Variants in GPR85 observed in about 807,000 individuals in gnomAD.
GPR85 encodes probable G protein-coupled receptor 85.
GPR85 carries 7 observed loss-of-function variants against 21.3 expected under a neutral mutation model. The ratio of observed to expected loss-of-function variants is 0.33; its 90% CI spans 0.19 to 0.62. GPR85 has a LOEUF of 0.62. GPR85 is among the 20% of genes least tolerant of loss of function. The pLI is 0.80. For synonymous variants in GPR85, 167 were observed against 166.1 expected, an observed-to-expected ratio of 1.01 and a Z score of -0.04; for missense variants, 299 against 443.8, an observed-to-expected ratio of 0.67 and a Z score of 2.93.
chr7:113,083,389 G>A lies in GPR85; in HGVS notation c.*220C>T, dbSNP rs575902662. 126 of 532,516 alleles carry A rather than the reference G, an allele frequency of 2.4e-4. No homozygotes were observed. Among genetic ancestry groups the A allele is most frequent in the Non-Finnish European group, 2.1e-4 (64 of 303,348 alleles). 33.0% of individuals were successfully genotyped at this position (532,516 alleles called of 1,614,324 possible). ...TAAAGAAACTTAGGGCAGTGGTTCA[G>A]TCCCTTCTTAATTACAAACCTTTGC... On this transcript the variant is annotated 3_prime_UTR_variant, in exon 3 of 3. Coordinates refer to ENST00000424100, the MANE Select transcript of GPR85 (RefSeq NM_001146267.2). This position sits in a 1 kb window ranked among gnomAD's most constrained non-coding sequence, Gnocchi z 4.4.
In GPR85 at chr7:113,082,464, C is replaced by G. The variant is rs930076754; in HGVS notation, c.*1145G>C. 6.6e-6 allele frequency: 1 copy of G among 152,496 alleles called. No homozygotes were observed. Among genetic ancestry groups the G allele is most frequent in the Non-Finnish European group, 1.5e-5 (1 of 68,010 alleles). The allele number at this position is 152,496 out of a possible 1,614,324, so 9.4% of individuals were successfully genotyped here. A position where few individuals can be genotyped will look rare whatever the true frequency, so the allele number is the denominator to read the frequency against. On this transcript the variant is annotated 3_prime_UTR_variant, in exon 3 of 3. Coordinates refer to ENST00000424100, the MANE Select transcript of GPR85 (RefSeq NM_001146267.2). The stretch of plus-strand genomic sequence containing the variant: ...TGCAGAAAGTATAAACAAGACTGTG[C>G]CTTCAGTAGAATAAATGCTTCACAA...
Position 113,084,823 on chromosome 7 carries a change from A to G in GPR85, c.-102T>C. The G allele has an allele frequency of 1.2e-6, 1 of 810,576 alleles. No homozygotes were observed. Among genetic ancestry groups the G allele is most frequent in the South Asian group, 1.8e-5 (1 of 54,100 alleles). 50.2% of individuals were successfully genotyped at this position (810,576 alleles called of 1,614,324 possible). A position where few individuals can be genotyped will look rare whatever the true frequency, so the allele number is the denominator to read the frequency against. On this transcript the variant is annotated 5_prime_UTR_variant, in exon 3 of 3. Transcript: ENST00000424100. ...ATACATTTTACTGAAAATATAATCC[A>G]CAAAGAGAACTGATCTGATCTGCAG... is the stretch of plus-strand genomic sequence containing the variant.
At position 113,086,396 on chromosome 7, in the gene GPR85, C is replaced by CTTTTTTTTTTTTTTTTTTCTTT. The variant is rs1794283693; in HGVS notation, c.-364_-363insAAAGAAAAAAAAAAAAAAAAAA. ...CTGATTTTTTTCTTTTTTTCTTTTT[C>CTTTTTTTTTTTTTTTTTTCTTT]TTTTTTTTTTTTTTTTTTTTGTTTT... is the stretch of plus-strand genomic sequence containing the variant. On this transcript the variant is annotated 5_prime_UTR_variant, in exon 1 of 3. An upstream open reading frame in the 5' UTR loses its in-frame stop. Transcript: ENST00000424100. 8.3e-5 allele frequency: 4 copies of CTTTTTTTTTTTTTTTTTTCTTT among 48,068 alleles called. No homozygotes were observed. The highest frequency in any genetic ancestry group is 1.1e-4 in the Non-Finnish European group (3 of 28,132). 3.0% of individuals were successfully genotyped at this position (48,068 alleles called of 1,614,324 possible).
chr7:113,084,432 A>T lies in GPR85; in HGVS notation c.290T>A (p.Ile97Asn). ...ACAGGACAAAACCCCCAGAAAGGCAATCACTTTGCAAGTCAGAGTCCCATA... is the reference window on the plus strand; with the variant it reads ...ACAGGACAAAACCCCCAGAAAGGCATTCACTTTGCAAGTCAGAGTCCCATA... ...WTYGTLTCKV[I>N]AFLGVLSCFH... Residue 97 changes from isoleucine (I) to asparagine (N), a missense_variant, in exon 3 of 3, where the codon ATT becomes AAT. Ile to Asn is a moderately radical substitution (Grantham distance 149). This residue lies in a region of GPR85 where 198 missense variants were observed against 335.4 expected (regional missense o/e 0.59). Coordinates refer to ENST00000424100, the MANE Select transcript of GPR85 (RefSeq NM_001146267.2). 1 of 1,614,058 alleles carries T rather than the reference A, an allele frequency of 6.2e-7. No individual in the cohort carries two copies. Among genetic ancestry groups the T allele is most frequent in the Non-Finnish European group, 8.5e-7 (1 of 1,179,920 alleles).
Position 113,086,407 on chromosome 7 carries a change from T to TTTG in GPR85, c.-375_-374insCAA, listed in dbSNP as rs1794291599. 2.2e-4 allele frequency: 21 copies of TTTG among 97,056 alleles called. No homozygotes were observed. Among genetic ancestry groups the TTTG allele is most frequent in the Middle Eastern group, 5.1e-3 (1 of 196 alleles). The allele number at this position is 97,056 out of a possible 1,614,324, so 6.0% of individuals were successfully genotyped here. On this transcript the variant is annotated 5_prime_UTR_variant, in exon 1 of 3. Coordinates refer to ENST00000424100, the MANE Select transcript of GPR85 (RefSeq NM_001146267.2). ...CTTTTTTTCTTTTTCTTTTTTTTTT[T>TTTG]TTTTTTTTTGTTTTTTGTTTTTTTT... is the stretch of plus-strand genomic sequence containing the variant.
In GPR85 at chr7:113,083,315, G is replaced by C. The variant is rs963842745; in HGVS notation, c.*294C>G. Reference sequence around the variant, plus strand: ...TATGTAGTGACATACAGAGCATTTAGCACTGATACTTAGCACCTGCTACTT... The same window carrying C: ...TATGTAGTGACATACAGAGCATTTACCACTGATACTTAGCACCTGCTACTT... On this transcript the variant is annotated 3_prime_UTR_variant, in exon 3 of 3. Coordinates refer to ENST00000424100, the MANE Select transcript of GPR85 (RefSeq NM_001146267.2). The surrounding 1 kb of genome is among the most constrained non-coding windows in gnomAD (Gnocchi z 4.4). 1 of 342,402 alleles carries C rather than the reference G, an allele frequency of 2.9e-6. No individual in the cohort carries two copies. Among genetic ancestry groups the C allele is most frequent in the South Asian group, 6.1e-5 (1 of 16,474 alleles). 21.2% of individuals were successfully genotyped at this position (342,402 alleles called of 1,614,324 possible).
Position 113,083,546 on chromosome 7 carries a change from G to A in GPR85, c.*63C>T, listed in dbSNP as rs950309854. The A allele has an allele frequency of 7.1e-7, 1 of 1,408,668 alleles. No individual in the cohort carries two copies. The highest frequency in any genetic ancestry group is 1.4e-5 in the African/African-American group (1 of 69,658). The allele number at this position is 1,408,668 out of a possible 1,614,324, so 87.3% of individuals were successfully genotyped here. On this transcript the variant is annotated 3_prime_UTR_variant, in exon 3 of 3. Transcript: ENST00000424100. The surrounding 1 kb of genome is among the most constrained non-coding windows in gnomAD (Gnocchi z 4.4). ...GAATTTCTTCTCAAAATATGGCTAT[G>A]GGCCACAATTGCTCAGCAGAGAAGG...
rs1794306591 is a variant in GPR85, at chr7:113,086,451, G to A, written c.-418C>T. ...TTTTTTTTTTTTTTTTTTTGCCTTA[G>A]TGCCTTGACTGAGCATCCAGGCAGG... On this transcript the variant is annotated 5_prime_UTR_variant, in exon 1 of 3. Coordinates refer to ENST00000424100, the MANE Select transcript of GPR85 (RefSeq NM_001146267.2). The A allele has an allele frequency of 4.8e-5, 1 of 20,622 alleles. No homozygotes were observed. Among genetic ancestry groups the A allele is most frequent in the Non-Finnish European group, 8.9e-5 (1 of 11,274 alleles). The allele number at this position is 20,622 out of a possible 1,614,324, so 1.3% of individuals were successfully genotyped here. A position where few individuals can be genotyped will look rare whatever the true frequency, so the allele number is the denominator to read the frequency against.
At chr7:113,086,955 G>A (rs1590153), upstream of GPR85, among the ~76,000 whole-genome samples, 14,635 of 151,434 alleles carry the variant, frequency 0.097, 1,305 homozygotes, top group African/African-American at 0.24. Context: ...TTATTTTTAA[G>A]TGATGTCTCC....
chr7:113,084,856 T>C lies in GPR85; in HGVS notation c.-135A>G. 2.0e-6 allele frequency: 1 copy of C among 512,540 alleles called. No individual in the cohort carries two copies. Among genetic ancestry groups the C allele is most frequent in the South Asian group, 4.2e-5 (1 of 24,096 alleles). The allele number at this position is 512,540 out of a possible 1,614,324, so 31.7% of individuals were successfully genotyped here. ...AACTGATCTGATCTGCAGTCATGCT[T>C]CCTCTTTTCTTCCACTTGTTTTGCC... On this transcript the variant is annotated 5_prime_UTR_variant, in exon 3 of 3. Coordinates refer to ENST00000424100, the MANE Select transcript of GPR85 (RefSeq NM_001146267.2).
In GPR85 at chr7:113,086,411, T is replaced by TTTG. The variant is rs1562996820; in HGVS notation, c.-379_-378insCAA. ...TTTTCTTTTTCTTTTTTTTTTTTTT[T>TTTG]TTTTTGTTTTTTGTTTTTTTTTTTT... On this transcript the variant is annotated 5_prime_UTR_variant, in exon 1 of 3. Transcript: ENST00000424100. The TTTG allele has an allele frequency of 2.1e-4, 19 of 91,544 alleles. 1 individual carries two copies. The highest frequency in any genetic ancestry group is 3.9e-4 in the Admixed American group (3 of 7,748). The allele number at this position is 91,544 out of a possible 1,614,324, so 5.7% of individuals were successfully genotyped here.
chr7:113,083,346 A>G lies in GPR85; in HGVS notation c.*263T>C, dbSNP rs749603495. 1.5e-5 allele frequency: 6 copies of G among 409,432 alleles called. No individual in the cohort carries two copies. The highest frequency in any genetic ancestry group is 8.1e-5 in the African/African-American group (4 of 49,220). The allele number at this position is 409,432 out of a possible 1,614,324, so 25.4% of individuals were successfully genotyped here. On this transcript the variant is annotated 3_prime_UTR_variant, in exon 3 of 3. Transcript: ENST00000424100. The surrounding 1 kb of genome is among the most constrained non-coding windows in gnomAD (Gnocchi z 4.4). ...ATACTTAGCACCTGCTACTTTCATTATCTAGTTTTTGACCACATAAAGAAA... is the reference window on the plus strand; with the variant it reads ...ATACTTAGCACCTGCTACTTTCATTGTCTAGTTTTTGACCACATAAAGAAA...
upstream of GPR85, chr7:113,087,415 A>C (rs190265581): frequency 3.9e-5 from 6 of 154,546 alleles, no homozygotes; most frequent in East Asian, 1.2e-3. Flanking sequence ...AAATACTAGA[A>C]ATATAACAAA....
chr7:113,084,255 G>A lies in GPR85; in HGVS notation c.467C>T (p.Pro156Leu), dbSNP rs764167429. ...WTLSVAMAFPPVLDVGTYSFI... is the reference protein window; with the variant it reads ...WTLSVAMAFPLVLDVGTYSFI... ...TGAGTAAGTGCCCACGTCTAAAACC[G>A]GGGGAAATGCCATGGCCACAGACAG... is the stretch of plus-strand genomic sequence containing the variant. Residue 156 changes from proline to leucine, a missense_variant, in exon 3 of 3, where the codon CCG becomes CTG. Around this residue, in one of 2 missense-constraint regions of GPR85, gnomAD observed 198 missense variants for 335.4 expected, o/e 0.59. Transcript: ENST00000424100. The A allele has an allele frequency of 5.0e-6, 8 of 1,613,808 alleles. No individual in the cohort carries two copies. The African/African-American group carries it at 5.3e-5, about 11-fold the overall frequency.
intron 1 of GPR85, 58 bp from the exon 2 acceptor site, chr7:113,086,167 TACACACAC>T (rs373500861): frequency 0.078 from 9,828 of 125,770 alleles, 374 homozygotes; most frequent in South Asian, 0.14. Flanking sequence ...ACAAAACACA[TACACACAC>T]ACACACACAC....
rs1794292810 is a variant in GPR85, at chr7:113,086,409, T to TTTTTTG, written c.-377_-376insCAAAAA. 3.6e-3 allele frequency: 335 copies of TTTTTTG among 93,592 alleles called. 26 individuals are homozygous for TTTTTTG. The highest frequency in any genetic ancestry group is 6.0e-3 in the Middle Eastern group (1 of 168). The allele number at this position is 93,592 out of a possible 1,614,324, so 5.8% of individuals were successfully genotyped here. ...TTTTTTCTTTTTCTTTTTTTTTTTTTTTTTTTTGTTTTTTGTTTTTTTTTT... is the reference window on the plus strand; with the variant it reads ...TTTTTTCTTTTTCTTTTTTTTTTTTTTTTTTGTTTTTTTGTTTTTTGTTTTTTTTTT... On this transcript the variant is annotated 5_prime_UTR_variant, in exon 1 of 3. Transcript: ENST00000424100.
chr7:113,085,792 C>T (rs1247867450), intron 2 of GPR85, among the ~76,000 whole-genome samples, 200 bp downstream of exon 2: 2 of 152,162 alleles, frequency 1.3e-5, no homozygotes, highest in African/African-American at 2.4e-5. Flanking sequence ...TTTCTTTTGC[C>T]ACTTCTCACT....
At chr7:113,085,198 T>C (rs1177659096) in intron 2 of GPR85, among the ~76,000 whole-genome samples, 3 of 152,144 alleles carry the variant, frequency 2.0e-5, no homozygotes, top group Non-Finnish European at 4.4e-5. Flanking sequence ...ACCACTAGAA[T>C]TGCAATGGAA....
intron 2 of GPR85, among the ~76,000 whole-genome samples, chr7:113,085,457 A>G (rs1028482335): frequency 6.6e-6 from 1 of 152,176 alleles, no homozygotes; most frequent in Non-Finnish European, 1.5e-5. Flanking sequence ...TGATTTAATC[A>G]TTTGTCTTTC....
Sources: allele counts gnomAD v4.1 joint callset (sites outside exome capture counted in the v4.1 genomes callset), GRCh38; gene constraint gnomAD v4.1.1; regional missense constraint gnomAD v4.1.1; non-coding constraint Gnocchi (gnomAD v3.1); transcripts MANE v1.5; gene names NCBI Gene and HGNC (gene_info 2026-07-23, HGNC 2026-07-21).